SYTL2: variants seen among roughly 807,000 people sequenced by gnomAD.
SYTL2 encodes the protein synaptotagmin-like protein 2.
SYTL2 carries 165 observed loss-of-function variants against 198.7 expected under a neutral mutation model. The ratio of observed to expected loss-of-function variants is 0.83; its 90% CI spans 0.73 to 0.94. The LOEUF (loss-of-function observed/expected upper bound fraction) is 0.94, where lower values mean the gene tolerates loss of function less well. Ranked by LOEUF, SYTL2 falls within the 40% of genes least tolerant of loss-of-function variation. SYTL2 has a pLI of 0.00. For synonymous variants in SYTL2, 966 were observed against 917.7 expected (o/e 1.05, Z -0.95); for missense variants, 2,835 against 2,582.8 (o/e 1.10, Z -2.12).
At chr11:85,796,449 C>A (rs2092805604) in intron 1 of SYTL2, among the ~76,000 whole-genome samples, 1 of 152,086 alleles carries the variant, frequency 6.6e-6, no homozygotes, top group African/African-American at 2.4e-5. Flanking sequence ...CAAATATTGC[C>A]CCTCATTTTT....
the SYTL2 span, chr11:85,853,931 G>A: frequency 6.6e-6 from 1 of 152,178 alleles, no homozygotes; most frequent in African/African-American, 2.4e-5. Context: ...TGAGATCTCA[G>A]CCTTCCAGGC....
At chr11:85,789,554 C>A (rs1218875425) in intron 1 of SYTL2, among the ~76,000 whole-genome samples, 4 of 150,870 alleles carry the variant, frequency 2.7e-5, no homozygotes, top group African/African-American at 9.8e-5. Context: ...ATTTTGAAAG[C>A]CTTATCAGTT....
At chr11:85,709,175 G>A (rs1458566300) in intron 14 of SYTL2, among the ~76,000 whole-genome samples, 156 bp downstream of exon 14, 1 of 152,100 alleles carries the variant, frequency 6.6e-6, no homozygotes, top group African/African-American at 2.4e-5. Flanking sequence ...TTTGACATAT[G>A]AATTTATAGA....
chr11:85,761,097 C>A (rs2092082894), intron 1 of SYTL2, among the ~76,000 whole-genome samples: 2 of 151,956 alleles, frequency 1.3e-5, no homozygotes. Context: ...AGCAAGGGAA[C>A]AAGACAGAAA....
chr11:85,817,201 G>A, the SYTL2 span, among the ~76,000 whole-genome samples: 3 of 152,110 alleles, frequency 2.0e-5, no homozygotes, highest in African/African-American at 7.2e-5. Flanking sequence ...CGTCCTACCT[G>A]CCAGGAACTA....
At chr11:85,723,641 A>C (rs2088676952) in intron 8 of SYTL2, among the ~76,000 whole-genome samples, 1 of 152,368 alleles carries the variant, frequency 6.6e-6, no homozygotes, top group South Asian at 2.1e-4. Flanking sequence ...TTCCAAACCC[A>C]AAAAGTCATT....
At chr11:85,795,947 C>G (rs562637093) in intron 1 of SYTL2, among the ~76,000 whole-genome samples, 1 of 152,174 alleles carries the variant, frequency 6.6e-6, no homozygotes, top group Admixed American at 6.5e-5. Flanking sequence ...GCCATCATCA[C>G]CAGGGGAATC....
intron 8 of SYTL2, among the ~76,000 whole-genome samples, chr11:85,721,951 G>A (rs1208788267): frequency 5.3e-5 from 8 of 152,010 alleles, no homozygotes; most frequent in Admixed American, 5.2e-4. Flanking sequence ...TTAGTTAAGA[G>A]CTCAGCCGCA....
chr11:85,698,351 A>T (rs1253932769), intron 17 of SYTL2, among the ~76,000 whole-genome samples: 1 of 152,228 alleles, frequency 6.6e-6, no homozygotes, highest in African/African-American at 2.4e-5. Context: ...GCTTGATTCA[A>T]CAAAATCAAA....
At chr11:85,848,887 G>C in the SYTL2 span, among the ~76,000 whole-genome samples, 1 of 152,030 alleles carries the variant, frequency 6.6e-6, no homozygotes, top group African/African-American at 2.4e-5. Flanking sequence ...GGCAGACGAA[G>C]TAAGAAGGAA....
intron 1 of SYTL2, among the ~76,000 whole-genome samples, chr11:85,787,130 G>A (rs1301241543): frequency 6.6e-6 from 1 of 152,174 alleles, no homozygotes; most frequent in African/African-American, 2.4e-5. Context: ...GTAGTAGCAA[G>A]TGCATACATA....
chr11:85,804,190 T>C (rs1256490264), intron 1 of SYTL2, among the ~76,000 whole-genome samples: 1 of 152,208 alleles, frequency 6.6e-6, no homozygotes, highest in Non-Finnish European at 1.5e-5. Context: ...TAATTATTAC[T>C]ATCTCTGTGT....
chr11:85,728,009 C>CT (rs747232967), intron 7 of SYTL2, 42 bp from the exon 8 acceptor site: 1 of 1,484,772 alleles, frequency 6.7e-7, no homozygotes, highest in Admixed American at 2.3e-5. Flanking sequence ...AAAGAGCATG[C>CT]TTAAAGAACT....
chr11:85,815,035 C>T (rs1241771740), upstream of SYTL2, among the ~76,000 whole-genome samples: 1 of 152,158 alleles, frequency 6.6e-6, no homozygotes, highest in Non-Finnish European at 1.5e-5. Flanking sequence ...TCTGGGACCC[C>T]TTCTTTCTCT....
At position 85,727,390 on chromosome 11, in the gene SYTL2, T is replaced by C; in HGVS notation, c.1968A>G (p.Pro656=). 6.5e-7 allele frequency: 1 copy of C among 1,536,404 alleles called. No individual in the cohort carries two copies. The highest frequency in any genetic ancestry group is 8.7e-7 in the Non-Finnish European group (1 of 1,146,942). The stretch of plus-strand genomic sequence containing the variant: ...AAGGAGATGCCCCATTCCCTTTTCC[T>C]GGGCTTTTTGAATCTTGGCTATAGT... ...NMDYSQDSKS[P]GKGNGASPSN... The change falls in exon 8 of 20, where the codon CCA becomes CCG. Residue 656 remains proline (P), a synonymous_variant. Transcript: ENST00000359152.
intron 7 of SYTL2, among the ~76,000 whole-genome samples, chr11:85,729,451 C>T (rs2089579955): frequency 6.6e-6 from 1 of 152,168 alleles, no homozygotes; most frequent in African/African-American, 2.4e-5. Flanking sequence ...CAAAACTGCA[C>T]AACTATATGG....
intron 1 of SYTL2, among the ~76,000 whole-genome samples, chr11:85,770,758 C>T (rs1046377041): frequency 6.6e-6 from 1 of 152,156 alleles, no homozygotes; most frequent in African/African-American, 2.4e-5. Context: ...ACACCTCCTC[C>T]ATGAAACTGC....
chr11:85,854,821 G>A, the SYTL2 span: 39,063 of 152,128 alleles, frequency 0.26, 5,362 homozygotes, highest in African/African-American at 0.27. Flanking sequence ...GTCACAGCAC[G>A]AAGCCCGTGG....
intron 1 of SYTL2, among the ~76,000 whole-genome samples, chr11:85,777,633 C>G (rs567869546): frequency 1.4e-4 from 21 of 150,862 alleles, no homozygotes; most frequent in Admixed American, 2.6e-4. Context: ...ATTTAATCCC[C>G]CCCCAACCCA....
Sources: gnomAD v4.1 joint callset for allele counts (sites outside exome capture counted in the v4.1 genomes callset) on GRCh38, gnomAD v4.1.1 for gene constraint, MANE v1.5 for transcripts, NCBI Gene and HGNC (gene_info 2026-07-23, HGNC 2026-07-21) for gene names.